TNS1: variants seen among roughly 807,000 people sequenced by gnomAD.
TNS1 encodes the protein tensin 1, also known as tensin-1.
TNS1 carries 62 observed loss-of-function variants against 168.6 expected under a neutral mutation model. The observed-to-expected ratio is 0.37, with a 90% CI of 0.30 to 0.45. TNS1 has a LOEUF of 0.45. Ranked by LOEUF, TNS1 falls within the 20% of genes least tolerant of loss-of-function variation. TNS1 has a pLI of 1.00. For synonymous variants in TNS1, 934 were observed against 933.2 expected (o/e 1.00, Z -0.02); for missense variants, 2,240 against 2,339.4 (o/e 0.96, Z 0.88).
rs1944983867 is a variant in TNS1 at position 217,835,107 on chromosome 2, G to A, written c.3264C>T (p.Ser1088=). The part of the protein sequence containing the change: ...FEEMEGTSPS[S]PPPSGVRSPP... Reference sequence around the variant, plus strand: ...AATTCTTACCCCCACTGGGTGGTGGGCTGCTCGGGGAGGTTCCCTCCATCT... The same window carrying A: ...AATTCTTACCCCCACTGGGTGGTGGACTGCTCGGGGAGGTTCCCTCCATCT... The change falls in exon 21 of 33, where the codon AGC becomes AGT. Residue 1088 remains serine, a synonymous_variant. Transcript: ENST00000682258. The A allele has an allele frequency of 6.3e-7, 1 of 1,585,108 alleles. No homozygotes were observed. The highest frequency in any genetic ancestry group is 1.2e-5 in the South Asian group (1 of 85,704).
chr2:217,941,596 C>T (rs1045826048), intron 3 of TNS1, among the ~76,000 whole-genome samples: 1 of 152,190 alleles, frequency 6.6e-6, no homozygotes, highest in African/African-American at 2.4e-5. Flanking sequence ...GCTTCCTGAT[C>T]CCCCATTCTG....
chr2:217,988,598 A>C (rs1237207918), intron 2 of TNS1, among the ~76,000 whole-genome samples: 1 of 152,148 alleles, frequency 6.6e-6, no homozygotes, highest in Admixed American at 6.5e-5. Context: ...TGTTATGCAA[A>C]CAAAATGCAA....
At chr2:217,966,957 T>C (rs1957657816) in intron 3 of TNS1, among the ~76,000 whole-genome samples, 1 of 152,216 alleles carries the variant, frequency 6.6e-6, no homozygotes, top group South Asian at 2.1e-4. Context: ...ACATCTGCTT[T>C]ATATGTGGTA....
intron 11 of TNS1, 69 bp from the exon 12 acceptor site, chr2:217,891,114 C>T: frequency 1.3e-6 from 2 of 1,516,590 alleles, no homozygotes; most frequent in Non-Finnish European, 1.8e-6. Context: ...TTCCCCACCC[C>T]TGCTCCCTCA....
chr2:217,910,281 C>T (rs1241553384), intron 4 of TNS1, among the ~76,000 whole-genome samples: 1 of 152,078 alleles, frequency 6.6e-6, no homozygotes, highest in Non-Finnish European at 1.5e-5. Context: ...AGTTCAGATG[C>T]CTTCAGCTTA....
intron 18 of TNS1, among the ~76,000 whole-genome samples, chr2:217,868,371 G>A (rs776539300): frequency 1.8e-4 from 28 of 152,208 alleles, no homozygotes; most frequent in Non-Finnish European, 3.8e-4. Flanking sequence ...CCTGGGGATG[G>A]AGCCTGGCAT....
At chr2:218,009,978 G>A (rs2105999022) in intron 1 of TNS1, 1 of 393,414 alleles carries the variant, frequency 2.5e-6, no homozygotes, top group African/African-American at 2.1e-5. Context: ...GAGACGGAGG[G>A]TCCCTGAGAG....
chr2:217,911,374 T>A (rs921432612), intron 4 of TNS1, among the ~76,000 whole-genome samples: 1 of 152,146 alleles, frequency 6.6e-6, no homozygotes, highest in Non-Finnish European at 1.5e-5. Flanking sequence ...CTAGGGCGAA[T>A]GTTGGGGCAC....
At chr2:217,854,340 A>G (rs1947872546) in intron 18 of TNS1, among the ~76,000 whole-genome samples, 1 of 152,216 alleles carries the variant, frequency 6.6e-6, no homozygotes, top group South Asian at 2.1e-4. Flanking sequence ...TTCATTGGCA[A>G]TGACTCAGTG....
At chr2:217,975,973 A>C (rs771259688) in intron 3 of TNS1, among the ~76,000 whole-genome samples, 4 of 151,770 alleles carry the variant, frequency 2.6e-5, no homozygotes, top group Non-Finnish European at 5.9e-5. Context: ...ACTCCCCAGC[A>C]CTCACTACTC....
At chr2:217,820,996 G>A (rs185924228) in intron 23 of TNS1, among the ~76,000 whole-genome samples, 13 of 152,300 alleles carry the variant, frequency 8.5e-5, no homozygotes, top group Middle Eastern at 6.8e-3. Context: ...CTTCTGGAAT[G>A]CCCTGTCTCT....
chr2:218,018,506 A>G (rs534764357), intron 1 of TNS1, among the ~76,000 whole-genome samples: 12 of 152,364 alleles, frequency 7.9e-5, no homozygotes, highest in Non-Finnish European at 1.2e-4. Flanking sequence ...TTCCAGGGCC[A>G]TCTTAGACCC....
intron 2 of TNS1, among the ~76,000 whole-genome samples, chr2:217,983,711 A>C (rs1958116122): frequency 6.6e-6 from 1 of 152,184 alleles, no homozygotes; most frequent in Non-Finnish European, 1.5e-5. Flanking sequence ...AACCACTCGC[A>C]TGCCCGGTCC....
chr2:217,947,604 C>A (rs1051399518), intron 3 of TNS1, among the ~76,000 whole-genome samples: 1 of 152,044 alleles, frequency 6.6e-6, no homozygotes, highest in East Asian at 1.9e-4. Flanking sequence ...TTGTGTGTGT[C>A]GGGGCCAGGT....
At chr2:217,985,273 A>G (rs2126068540) in intron 2 of TNS1, among the ~76,000 whole-genome samples, 1 of 152,182 alleles carries the variant, frequency 6.6e-6, no homozygotes, top group East Asian at 1.9e-4. Context: ...TGGAATCACA[A>G]TGATGCTGGT....
At chr2:217,891,155 C>A in intron 11 of TNS1, 110 bp from the exon 12 acceptor site, 1 of 1,011,470 alleles carries the variant, frequency 9.9e-7, no homozygotes, top group Non-Finnish European at 1.5e-6. Context: ...CAAAGAGCAC[C>A]TTTGTCCTGG....
chr2:217,900,344 T>G, intron 7 of TNS1, 119 bp downstream of exon 7: 9 of 1,176,832 alleles, frequency 7.6e-6, no homozygotes, highest in Non-Finnish European at 1.1e-5. Context: ...TTGCCCACAC[T>G]CCCCACCCGT....
At chr2:217,828,722 C>T (rs933637622) in intron 22 of TNS1, among the ~76,000 whole-genome samples, 12 of 152,130 alleles carry the variant, frequency 7.9e-5, no homozygotes, top group South Asian at 2.1e-4. Flanking sequence ...CCTCTGGGAC[C>T]CATAGACATG....
rs558807897 is a variant in TNS1 at position 217,909,534 on chromosome 2, C to T, written c.229-2283G>A. 4.9e-4 allele frequency among the ~76,000 whole-genome samples: 75 copies of T among 151,820 alleles called. 1 individual carries two copies. The South Asian group carries it at 0.016, about 32-fold the overall frequency. Reference sequence around the variant, plus strand: ...TCTCAAACTTGAACATGCATAGCACCACCTAGAGGGCTGTTGACCCACAGG... The same window carrying T: ...TCTCAAACTTGAACATGCATAGCACTACCTAGAGGGCTGTTGACCCACAGG... On this transcript the variant is annotated intron_variant, in intron 4 of 32. Transcript: ENST00000682258.
Sources: allele counts gnomAD v4.1 joint callset (sites outside exome capture counted in the v4.1 genomes callset), GRCh38; gene constraint gnomAD v4.1.1; transcripts MANE v1.5; gene names NCBI Gene and HGNC (gene_info 2026-07-23, HGNC 2026-07-21).